CLSTN2: variants seen among roughly 807,000 people sequenced by gnomAD.
CLSTN2 encodes the protein calsyntenin-2.
In CLSTN2, 48 loss-of-function variants were observed where a neutral mutation model predicts 101.2. That is an observed-to-expected ratio of 0.47 (90% CI 0.38 to 0.60). CLSTN2 has a LOEUF of 0.60. CLSTN2 is among the 20% of genes least tolerant of loss of function. The pLI is 0.00. For missense variants in CLSTN2, 1,160 were observed against 1,238.2 expected, an observed-to-expected ratio of 0.94 and a Z score of 0.95; for synonymous variants, 481 against 463.6, an observed-to-expected ratio of 1.04 and a Z score of -0.48.
chr3:139,962,207 G>T (rs1325995922), intron 1 of CLSTN2, among the ~76,000 whole-genome samples: 1 of 152,144 alleles, frequency 6.6e-6, no homozygotes, highest in East Asian at 1.9e-4. Flanking sequence ...TGCTTTTCAA[G>T]AGGGATCCAT....
intron 1 of CLSTN2, among the ~76,000 whole-genome samples, chr3:139,980,762 T>A (rs1935900354): frequency 6.6e-6 from 1 of 152,144 alleles, no homozygotes; most frequent in Non-Finnish European, 1.5e-5. Context: ...TTGGTAGATA[T>A]GTGCTGAATG....
intron 2 of CLSTN2, among the ~76,000 whole-genome samples, chr3:140,375,210 G>T (rs1403140485): frequency 6.6e-6 from 1 of 152,244 alleles, no homozygotes; most frequent in Non-Finnish European, 1.5e-5. Flanking sequence ...CACTGAAAAT[G>T]TGAGTCATGC....
chr3:140,127,326 T>C (rs2009451992), intron 1 of CLSTN2, among the ~76,000 whole-genome samples: 1 of 152,130 alleles, frequency 6.6e-6, no homozygotes, highest in Non-Finnish European at 1.5e-5. Flanking sequence ...TCCATGACAA[T>C]GGTAGAATTG....
At chr3:140,299,802 G>C (rs1365212569) in intron 2 of CLSTN2, among the ~76,000 whole-genome samples, 1 of 152,186 alleles carries the variant, frequency 6.6e-6, no homozygotes, top group Non-Finnish European at 1.5e-5. Flanking sequence ...ACACTAGCAA[G>C]TTTCTTTCTA....
intron 5 of CLSTN2, among the ~76,000 whole-genome samples, chr3:140,434,660 G>A (rs1184765020): frequency 1.3e-5 from 2 of 152,186 alleles, no homozygotes; most frequent in African/African-American, 4.8e-5. Flanking sequence ...GCCAGTGATG[G>A]GAAGGAGCAG....
intron 8 of CLSTN2, among the ~76,000 whole-genome samples, chr3:140,486,306 A>G (rs983462783): frequency 2.6e-5 from 4 of 152,224 alleles, no homozygotes; most frequent in Non-Finnish European, 5.9e-5. Context: ...AATTATGTAA[A>G]TAAATATAAA....
In CLSTN2 at chr3:140,566,217, C is replaced by G; in HGVS notation, c.2832C>G (p.Ala944=). Residue 944 remains alanine, a synonymous_variant, in exon 17 of 17, where the codon GCC becomes GCG. Transcript: ENST00000458420. ...ATGGGCAGAATGGAGCCAGGCAAGC[C>G]CAGCTGGAGTGGGATGACTCCACCC... ...GRHGQNGARQ[A]QLEWDDSTLP... is the part of the protein sequence containing the mutation. 1 of 1,590,432 alleles carries G rather than the reference C, an allele frequency of 6.3e-7. No homozygotes were observed. The highest frequency in any genetic ancestry group is 8.6e-7 in the Non-Finnish European group (1 of 1,167,848).
chr3:140,151,982 G>A lies in CLSTN2; in HGVS notation c.110-23969G>A, dbSNP rs924484080. ...GCTTTTCACCATCTTTTGCTTCTCC[G>A]CCCACTCAGATTATAATTTAAGACC... On this transcript the variant is annotated intron_variant, in intron 1 of 16. Coordinates refer to ENST00000458420, the MANE Select transcript of CLSTN2 (RefSeq NM_022131.3). 7.2e-5 allele frequency among the ~76,000 whole-genome samples: 11 copies of A among 152,058 alleles called. No individual in the cohort carries two copies. In the South Asian group the frequency reaches 1.5e-3, roughly 20 times the overall value.
intron 1 of CLSTN2, among the ~76,000 whole-genome samples, chr3:140,065,403 T>G (rs1299642971): frequency 1.3e-5 from 2 of 152,226 alleles, no homozygotes; most frequent in East Asian, 3.8e-4. Flanking sequence ...GGGAAAGGGT[T>G]TTAGAAGTTT....
chr3:140,089,926 G>GA (rs1294954034), intron 1 of CLSTN2, among the ~76,000 whole-genome samples: 2 of 136,892 alleles, frequency 1.5e-5, no homozygotes, highest in Admixed American at 7.6e-5. Flanking sequence ...TTATTTTAGA[G>GA]AAAAAACCTG....
At chr3:140,211,299 C>T (rs2010851752) in intron 2 of CLSTN2, among the ~76,000 whole-genome samples, 1 of 150,542 alleles carries the variant, frequency 6.6e-6, no homozygotes, top group Non-Finnish European at 1.5e-5. Flanking sequence ...AGATTCATTC[C>T]AGGGTGAATG....
At position 140,404,567 on chromosome 3, in the gene CLSTN2, C is replaced by G. The variant is rs1224698907; in HGVS notation, c.438C>G (p.Val146=). The G allele has an allele frequency of 6.2e-7, 1 of 1,614,070 alleles. No individual in the cohort carries two copies. Among genetic ancestry groups the G allele is most frequent in the Admixed American group, 1.7e-5 (1 of 60,026 alleles). The part of the protein sequence containing the change: ...TAWKKSHKAV[V]HIQVKDVNEF... Reference sequence around the variant, plus strand: ...CTGTGTGTGGTCCCAGGGCCGTGGTCCATATACAGGTGAAGGATGTCAACG... The same window carrying G: ...CTGTGTGTGGTCCCAGGGCCGTGGTGCATATACAGGTGAAGGATGTCAACG... Residue 146 remains valine (V), a synonymous_variant, in exon 4 of 17, where the codon GTC becomes GTG. Coordinates refer to ENST00000458420, the MANE Select transcript of CLSTN2 (RefSeq NM_022131.3).
intron 1 of CLSTN2, among the ~76,000 whole-genome samples, chr3:139,983,922 A>T (rs1264544925): frequency 6.6e-6 from 1 of 152,204 alleles, no homozygotes; most frequent in Non-Finnish European, 1.5e-5. Context: ...ATATAAGGCT[A>T]TATTATTTCT....
chr3:140,557,665 G>A (rs1935826343), intron 11 of CLSTN2, among the ~76,000 whole-genome samples: 1 of 152,192 alleles, frequency 6.6e-6, no homozygotes, highest in Admixed American at 6.5e-5. Flanking sequence ...GAGTAGCTCA[G>A]CATGGAATCC....
intron 1 of CLSTN2, among the ~76,000 whole-genome samples, chr3:140,114,670 C>G (rs1249343465): frequency 6.6e-6 from 1 of 152,008 alleles, no homozygotes; most frequent in African/African-American, 2.4e-5. Context: ...ATATTGGCTA[C>G]TAGATTCTAA....
intron 2 of CLSTN2, among the ~76,000 whole-genome samples, chr3:140,311,479 T>A (rs891467452): frequency 1.7e-4 from 26 of 149,854 alleles, no homozygotes; most frequent in Non-Finnish European, 3.0e-4. Flanking sequence ...CTAATTTTTT[T>A]TTTTTTTTTT....
At chr3:140,348,422 C>T (rs547547717) in intron 2 of CLSTN2, among the ~76,000 whole-genome samples, 1 of 152,268 alleles carries the variant, frequency 6.6e-6, no homozygotes, top group East Asian at 1.9e-4. Flanking sequence ...TTTTCAATTT[C>T]CTTATGTTCT....
chr3:140,066,595 C>A (rs144455572), intron 1 of CLSTN2, among the ~76,000 whole-genome samples: 1 of 152,270 alleles, frequency 6.6e-6, no homozygotes, highest in East Asian at 1.9e-4. Flanking sequence ...GGAATAGGCC[C>A]AAACAGGAGA....
At chr3:140,559,721 C>T (rs1935871760) in intron 12 of CLSTN2, among the ~76,000 whole-genome samples, 1 of 152,122 alleles carries the variant, frequency 6.6e-6, no homozygotes. Flanking sequence ...CCTCCCCCTC[C>T]AAAAGCCACT....
Sources: gnomAD v4.1 joint callset for allele counts (sites outside exome capture counted in the v4.1 genomes callset) on GRCh38, gnomAD v4.1.1 for gene constraint, MANE v1.5 for transcripts, NCBI Gene and HGNC (gene_info 2026-07-23, HGNC 2026-07-21) for gene names.